TAS2R1: variants seen among roughly 807,000 people sequenced by gnomAD.
TAS2R1 encodes the protein taste 2 receptor member 1, also known as taste receptor type 2 member 1.
For missense variants in TAS2R1, 370 were observed against 353.4 expected (o/e 1.05, Z -0.38); for synonymous variants, 141 against 134.2 (o/e 1.05, Z -0.35).
chr5:9,765,934 T>C, the TAS2R1 span, among the ~76,000 whole-genome samples: 1 of 152,198 alleles, frequency 6.6e-6, no homozygotes, highest in Non-Finnish European at 1.5e-5. Flanking sequence ...CAATGAGAAA[T>C]AGGTTTTCAT....
the TAS2R1 span, chr5:9,854,685 G>T: frequency 6.6e-6 from 1 of 152,072 alleles, no homozygotes; most frequent in Admixed American, 6.5e-5. Context: ...ACTAAGATAA[G>T]GATACAGAAA....
chr5:9,658,301 A>C (rs1244303537), intron 2 of TAS2R1: 1 of 152,228 alleles, frequency 6.6e-6, no homozygotes, highest in Non-Finnish European at 1.5e-5. Flanking sequence ...AGAGAGGTTA[A>C]GTAATTTTCC....
At chr5:9,761,281 T>G in the TAS2R1 span, among the ~76,000 whole-genome samples, 9 of 152,198 alleles carry the variant, frequency 5.9e-5, no homozygotes, top group Admixed American at 5.9e-4. Flanking sequence ...GCAAAACATA[T>G]TTTTTCTTTT....
chr5:9,658,797 A>G (rs1326403913), intron 2 of TAS2R1: 1 of 152,258 alleles, frequency 6.6e-6, no homozygotes, highest in Non-Finnish European at 1.5e-5. Context: ...TCTCATGACA[A>G]GACGGCTGGG....
intron 1 of TAS2R1, among the ~76,000 whole-genome samples, chr5:9,697,616 A>G (rs1378007013): frequency 1.3e-5 from 2 of 152,194 alleles, no homozygotes; most frequent in Admixed American, 6.5e-5. Flanking sequence ...TAGTATGAGA[A>G]GATAGATATT....
chr5:9,640,296 G>C (rs985073040), intron 2 of TAS2R1, among the ~76,000 whole-genome samples: 2 of 151,590 alleles, frequency 1.3e-5, no homozygotes, highest in Non-Finnish European at 2.9e-5. Flanking sequence ...CACAGTTGGT[G>C]GTGTCCCCAA....
the TAS2R1 span, among the ~76,000 whole-genome samples, chr5:9,829,037 C>T: frequency 0.28 from 43,322 of 152,048 alleles, 6,938 homozygotes; most frequent in Non-Finnish European, 0.37. Flanking sequence ...AGGAAATGGG[C>T]TCCTGCATAG....
At chr5:9,767,793 G>A in the TAS2R1 span, among the ~76,000 whole-genome samples, 6 of 151,968 alleles carry the variant, frequency 3.9e-5, no homozygotes, top group Non-Finnish European at 7.4e-5. Context: ...GCATGGTGGC[G>A]CACACCTGTA....
the TAS2R1 span, among the ~76,000 whole-genome samples, chr5:9,869,043 T>TC: frequency 6.6e-6 from 1 of 152,182 alleles, no homozygotes; most frequent in African/African-American, 2.4e-5. Context: ...CATCTTCCTG[T>TC]TTTCTGAGCC....
chr5:9,787,731 G>A, the TAS2R1 span, among the ~76,000 whole-genome samples: 2 of 152,166 alleles, frequency 1.3e-5, no homozygotes, highest in Non-Finnish European at 2.9e-5. Context: ...AAGAAACACT[G>A]TCAGAACTCC....
At chr5:9,857,258 AT>A in the TAS2R1 span, among the ~76,000 whole-genome samples, 1 of 152,238 alleles carries the variant, frequency 6.6e-6, no homozygotes, top group Non-Finnish European at 1.5e-5. Context: ...AAAGTTAACA[AT>A]AATATTGTAT....
the TAS2R1 span, among the ~76,000 whole-genome samples, chr5:9,843,209 A>G: frequency 2.0e-5 from 3 of 152,164 alleles, no homozygotes; most frequent in Non-Finnish European, 2.9e-5. Context: ...TTGTGATTGA[A>G]GTTTTTGTTG....
At chr5:9,808,904 C>T in the TAS2R1 span, among the ~76,000 whole-genome samples, 2 of 152,120 alleles carry the variant, frequency 1.3e-5, no homozygotes, top group Admixed American at 6.6e-5. Context: ...TGGGTGGGTC[C>T]CCATGGAGCA....
chr5:9,715,850 G>A (rs967643283), upstream of TAS2R1, among the ~76,000 whole-genome samples: 1 of 152,196 alleles, frequency 6.6e-6, no homozygotes, highest in Admixed American at 6.5e-5. Context: ...AGCAGGGAAG[G>A]GAAAGCCAAC....
the TAS2R1 span, among the ~76,000 whole-genome samples, chr5:9,764,453 T>C: frequency 6.6e-6 from 1 of 152,190 alleles, no homozygotes; most frequent in Non-Finnish European, 1.5e-5. Flanking sequence ...TCTTATTAAA[T>C]ACCTATAGAA....
At chr5:9,735,104 G>C in the TAS2R1 span, among the ~76,000 whole-genome samples, 2 of 151,190 alleles carry the variant, frequency 1.3e-5, no homozygotes, top group Non-Finnish European at 2.9e-5. Flanking sequence ...AGCGAGCAAG[G>C]GGGAAGTGCC....
the TAS2R1 span, among the ~76,000 whole-genome samples, chr5:9,834,753 T>TAAAA: frequency 6.9e-6 from 1 of 145,556 alleles, no homozygotes; most frequent in African/African-American, 2.5e-5. Flanking sequence ...ATTACTGCAT[T>TAAAA]AAAAAAAAAA....
chr5:9,764,307 T>G, the TAS2R1 span, among the ~76,000 whole-genome samples: 3 of 152,258 alleles, frequency 2.0e-5, no homozygotes, highest in Admixed American at 6.5e-5. Flanking sequence ...CCGACACATC[T>G]GTAACACTCA....
chr5:9,809,303 T>C, the TAS2R1 span, among the ~76,000 whole-genome samples: 3 of 152,272 alleles, frequency 2.0e-5, no homozygotes, highest in South Asian at 2.1e-4. Context: ...CAGAGGGCCA[T>C]GAAGGGAATG....
Sources: gnomAD v4.1 joint callset for allele counts (sites outside exome capture counted in the v4.1 genomes callset) on GRCh38, gnomAD v4.1.1 for gene constraint, MANE v1.5 for transcripts, NCBI Gene and HGNC (gene_info 2026-07-23, HGNC 2026-07-21) for gene names.